The following ATP2B4 variants were observed in gnomAD, a reference collection of about 807,000 sequenced individuals.
ATP2B4 encodes ATPase plasma membrane Ca2+ transporting 4.
Under a neutral mutation model 110.3 loss-of-function variants are expected in ATP2B4, and 39 were observed. The ratio of observed to expected loss-of-function variants is 0.35; its 90% CI spans 0.27 to 0.46. ATP2B4 has a LOEUF of 0.46. Ranked by LOEUF, ATP2B4 falls within the 20% of genes least tolerant of loss-of-function variation. The pLI is 1.00. For synonymous variants in ATP2B4, 538 were observed against 571.7 expected, an observed-to-expected ratio of 0.94 and a Z score of 0.84; for missense variants, 1,135 against 1,530.9, an observed-to-expected ratio of 0.74 and a Z score of 4.32.
chr1:203,680,833 T>C (rs146842298), intron 1 of ATP2B4, among the ~76,000 whole-genome samples: 21 of 152,322 alleles, frequency 1.4e-4, no homozygotes, highest in Admixed American at 2.6e-4. Context: ...CCTGTCTTCA[T>C]GAAGCAAACA....
In ATP2B4 at chr1:203,683,293, A is replaced by G. The variant is rs781541528; in HGVS notation, c.88A>G (p.Arg30Gly). ...GDFGCTVMEL[R>G]KLMELRSRDA... Reference sequence around the variant, plus strand: ...CTTTGGCTGCACAGTAATGGAACTGAGGAAGCTCATGGAGCTGCGTTCAAG... The same window carrying G: ...CTTTGGCTGCACAGTAATGGAACTGGGGAAGCTCATGGAGCTGCGTTCAAG... Residue 30 changes from arginine to glycine, a missense_variant, in exon 2 of 21, where the codon AGG (arginine) becomes GGG (glycine). Physicochemically the swap from Arg to Gly is moderately radical, Grantham distance 125 (BLOSUM62 -2). Transcript: ENST00000357681. The G allele has an allele frequency of 1.1e-5, 17 of 1,614,104 alleles. No homozygotes were observed. In the South Asian group the frequency reaches 1.2e-4, roughly 11 times the overall value.
intron 19 of ATP2B4, among the ~76,000 whole-genome samples, chr1:203,726,331 G>A (rs60977694): frequency 0.016 from 2,364 of 152,078 alleles, 68 homozygotes; most frequent in African/African-American, 0.055. Context: ...GCCTCCCGAA[G>A]TGCTGGGATT....
chr1:203,733,176 C>G lies in ATP2B4; in HGVS notation c.3309+5605C>G, dbSNP rs150501802. ...TCCCTTCCTCTTTCTTCACCTCTCT[C>G]GGACTGACTGTGGAGCAAAGCTGTC... On this transcript the variant is annotated intron_variant, in intron 20 of 20. Transcript: ENST00000357681. 2.6e-6 allele frequency: 4 copies of G among 1,557,776 alleles called. No individual in the cohort carries two copies. The East Asian group carries it at 6.8e-5, about 27-fold the overall frequency.
chr1:203,727,642 GC>G, intron 20 of ATP2B4, 71 bp downstream of exon 20: 1 of 1,575,970 alleles, frequency 6.3e-7, no homozygotes, highest in East Asian at 2.2e-5. Context: ...TGGGAGGGTA[GC>G]AGTTCTTGTC....
chr1:203,633,713 G>GATAAATAAATAAATAA (rs59277643), intron 1 of ATP2B4, among the ~76,000 whole-genome samples: 2,293 of 144,410 alleles, frequency 0.016, 35 homozygotes, highest in Admixed American at 0.027. Flanking sequence ...CTCCATATCA[G>GATAAATAAATAAATAA]ATAAATAAAT....
At chr1:203,692,535 C>T (rs1204012985) in intron 2 of ATP2B4, among the ~76,000 whole-genome samples, 3 of 152,178 alleles carry the variant, frequency 2.0e-5, no homozygotes, top group Non-Finnish European at 2.9e-5. Context: ...TTCTCAAGTT[C>T]CAAAAGAGGA....
intron 19 of ATP2B4, 75 bp downstream of exon 19, chr1:203,724,063 G>T (rs79600755): frequency 7.8e-7 from 1 of 1,288,906 alleles, no homozygotes. Context: ...GATGGAACAA[G>T]CAACGGTGGA....
At chr1:203,723,453 T>TCTCTCC (rs1666404083) in intron 18 of ATP2B4, among the ~76,000 whole-genome samples, 1 of 98,130 alleles carries the variant, frequency 1.0e-5, no homozygotes, top group Non-Finnish European at 2.1e-5. Flanking sequence ...TCTCTCTCTC[T>TCTCTCC]CTCTCTCCCT....
chr1:203,696,351 T>C (rs112540558), intron 2 of ATP2B4, among the ~76,000 whole-genome samples: 23 of 152,334 alleles, frequency 1.5e-4, no homozygotes, highest in African/African-American at 5.5e-4. Flanking sequence ...AAAGAAGGCC[T>C]CTGGCATCCA....
At chr1:203,707,490 A>G (rs1665883650) in intron 9 of ATP2B4, among the ~76,000 whole-genome samples, 1 of 151,426 alleles carries the variant, frequency 6.6e-6, no homozygotes, top group Non-Finnish European at 1.5e-5. Context: ...TCTGTCACCC[A>G]GGCTGGAATG....
chr1:203,672,426 A>G (rs989482374), intron 1 of ATP2B4, among the ~76,000 whole-genome samples: 1 of 147,342 alleles, frequency 6.8e-6, no homozygotes, highest in African/African-American at 2.5e-5. Flanking sequence ...CCACTCTGTC[A>G]TTACAGGCAC....
intron 20 of ATP2B4, chr1:203,733,164 C>G: frequency 6.7e-7 from 1 of 1,502,008 alleles, no homozygotes; most frequent in Non-Finnish European, 9.0e-7. Flanking sequence ...CTTCCTCTTT[C>G]TTCACCTCTC....
chr1:203,728,096 TG>T, intron 20 of ATP2B4: 1 of 412,490 alleles, frequency 2.4e-6, no homozygotes. Flanking sequence ...AAGGCCATGG[TG>T]GGGAATCTGA....
intron 2 of ATP2B4, among the ~76,000 whole-genome samples, chr1:203,684,889 C>G (rs950792602): frequency 6.6e-6 from 1 of 151,896 alleles, no homozygotes; most frequent in Admixed American, 6.6e-5. Context: ...GAAGGAGTCT[C>G]ACTCTTGTTG....
intron 1 of ATP2B4, among the ~76,000 whole-genome samples, chr1:203,659,141 C>A (rs1664257500): frequency 6.6e-6 from 1 of 151,856 alleles, no homozygotes. Flanking sequence ...TACTAAAAAA[C>A]TTGGTATAAT....
chr1:203,739,339 C>G (rs193173278), intron 20 of ATP2B4, among the ~76,000 whole-genome samples: 1 of 151,868 alleles, frequency 6.6e-6, no homozygotes, highest in East Asian at 1.9e-4. Context: ...CGTCACTCAC[C>G]CCAGCCCACC....
chr1:203,699,860 A>G (rs1414267130), intron 4 of ATP2B4, 143 bp downstream of exon 4: 2 of 1,414,852 alleles, frequency 1.4e-6, no homozygotes, highest in Non-Finnish European at 1.9e-6. Flanking sequence ...TAGAGTTTAA[A>G]GAGGTTGTGG....
chr1:203,725,340 G>T (rs143295076), intron 19 of ATP2B4, among the ~76,000 whole-genome samples: 30,526 of 151,414 alleles, frequency 0.2, 3,230 homozygotes, highest in South Asian at 0.3. Context: ...GTAGAGACAG[G>T]GTTTCACCAT....
chr1:203,719,314 C>A (rs1215636297), intron 15 of ATP2B4, among the ~76,000 whole-genome samples: 3 of 145,524 alleles, frequency 2.1e-5, no homozygotes, highest in African/African-American at 7.5e-5. Context: ...ACAAATCCGG[C>A]TTCCACCCTC....
Sources: gnomAD v4.1 joint callset for allele counts (sites outside exome capture counted in the v4.1 genomes callset) on GRCh38, gnomAD v4.1.1 for gene constraint, MANE v1.5 for transcripts, NCBI Gene and HGNC (gene_info 2026-07-23, HGNC 2026-07-21) for gene names.